PIGU: variants seen among roughly 807,000 people sequenced by gnomAD.
The protein encoded by PIGU is phosphatidylinositol glycan anchor biosynthesis class U.
In PIGU, 24 loss-of-function variants were observed where a neutral mutation model predicts 49.9. The ratio of observed to expected loss-of-function variants is 0.48; its 90% CI spans 0.35 to 0.68. The LOEUF is 0.68. Among genes scored for constraint, PIGU ranks in the 30% least tolerant of loss-of-function variants. The pLI is 0.01. For synonymous variants in PIGU, 220 were observed against 205.7 expected, an observed-to-expected ratio of 1.07 and a Z score of -0.59; for missense variants, 490 against 532.6, an observed-to-expected ratio of 0.92 and a Z score of 0.79.
At chr20:34,615,962 G>A (rs1984988655) in intron 7 of PIGU, 80 bp downstream of exon 7, 5 of 1,504,188 alleles carry the variant, frequency 3.3e-6, no homozygotes, top group Non-Finnish European at 4.4e-6. Flanking sequence ...ACTAACCCGT[G>A]CCCTTCCTTT....
chr20:34,621,895 G>A (rs545479782), intron 6 of PIGU, among the ~76,000 whole-genome samples: 30 of 152,276 alleles, frequency 2.0e-4, no homozygotes, highest in East Asian at 1.5e-3. Flanking sequence ...TACAAAGGAA[G>A]CAGACCTAGC....
At chr20:34,575,352 G>T in intron 10 of PIGU, 106 bp from the exon 11 acceptor site, 1 of 1,370,872 alleles carries the variant, frequency 7.3e-7, no homozygotes, top group Non-Finnish European at 9.8e-7. Context: ...GCATCATGTA[G>T]CTCAAAGGCA....
At chr20:34,634,781 G>C in intron 5 of PIGU, 66 bp from the exon 6 acceptor site, 1 of 1,570,646 alleles carries the variant, frequency 6.4e-7, no homozygotes, top group East Asian at 2.4e-5. Flanking sequence ...ATTACAGCAA[G>C]GAAGTTCCAA....
rs551372529 is a variant in PIGU, at chr20:34,636,515, G to T, written c.428+1361C>A. On this transcript the variant is annotated intron_variant, in intron 5 of 11. Transcript: ENST00000217446. ...GCCGAGATTGCACCACTGCACTCCA[G>T]CCTGGGCAACAGAGCAAGACTCCGT... Among the ~76,000 whole-genome samples, 66 of 152,282 alleles carry T rather than the reference G, an allele frequency of 4.3e-4. 1 individual carries two copies. The highest frequency in any genetic ancestry group is 3.4e-3 in the Middle Eastern group (1 of 294).
intron 2 of PIGU, among the ~76,000 whole-genome samples, chr20:34,649,030 G>A (rs1986445298): frequency 6.6e-6 from 1 of 152,062 alleles, no homozygotes; most frequent in Non-Finnish European, 1.5e-5. Flanking sequence ...ACCACACCCA[G>A]CTAATTTTTT....
intron 1 of PIGU, among the ~76,000 whole-genome samples, chr20:34,660,156 T>C (rs139169707): frequency 0.01 from 1,562 of 150,478 alleles, 32 homozygotes; most frequent in African/African-American, 0.035. Flanking sequence ...AAGGATCAAA[T>C]GTAGAAGGAA....
intron 1 of PIGU, among the ~76,000 whole-genome samples, chr20:34,672,036 C>A (rs1987324457): frequency 6.6e-6 from 1 of 152,154 alleles, no homozygotes; most frequent in African/African-American, 2.4e-5. Flanking sequence ...CCTCCCGGGC[C>A]CATGCAATCC....
intron 2 of PIGU, among the ~76,000 whole-genome samples, chr20:34,646,011 T>C (rs1600656872): frequency 1.3e-5 from 2 of 152,178 alleles, no homozygotes; most frequent in Non-Finnish European, 2.9e-5. Context: ...CAGACCAAGA[T>C]TGCTGATTCC....
chr20:34,592,450 AAGAG>A (rs1281021533), intron 7 of PIGU, among the ~76,000 whole-genome samples: 2 of 151,486 alleles, frequency 1.3e-5, no homozygotes, highest in Admixed American at 6.6e-5. Context: ...AAAAAAAAAA[AAGAG>A]AGACGAACAA....
intron 6 of PIGU, among the ~76,000 whole-genome samples, chr20:34,632,269 G>A (rs945719424): frequency 2.0e-5 from 3 of 151,944 alleles, no homozygotes; most frequent in East Asian, 1.9e-4. Context: ...AAAGTTATTC[G>A]AGTCTAAAAT....
At chr20:34,610,899 C>T (rs999250527) in intron 7 of PIGU, among the ~76,000 whole-genome samples, 2 of 152,102 alleles carry the variant, frequency 1.3e-5, no homozygotes, top group African/African-American at 4.8e-5. Context: ...AGAAATAATA[C>T]CACACATCTA....
intron 7 of PIGU, among the ~76,000 whole-genome samples, chr20:34,607,011 G>A (rs186628232): frequency 4.6e-5 from 7 of 152,260 alleles, no homozygotes; most frequent in East Asian, 1.9e-4. Flanking sequence ...CACCCGCCTC[G>A]GCCTCCCAAA....
At chr20:34,668,043 C>T (rs969426176) in intron 1 of PIGU, among the ~76,000 whole-genome samples, 9 of 152,106 alleles carry the variant, frequency 5.9e-5, no homozygotes, top group Admixed American at 5.9e-4. Context: ...AAACATTAGA[C>T]AAAACCAAAT....
intron 7 of PIGU, among the ~76,000 whole-genome samples, chr20:34,589,884 G>A (rs1394058834): frequency 6.6e-6 from 1 of 150,512 alleles, no homozygotes; most frequent in Admixed American, 6.6e-5. Flanking sequence ...TCAAACTCCC[G>A]ACCTCAGGTG....
chr20:34,622,055 G>A (rs1985255715), intron 6 of PIGU, among the ~76,000 whole-genome samples: 1 of 152,144 alleles, frequency 6.6e-6, no homozygotes, highest in Admixed American at 6.5e-5. Context: ...CCAAAACAGG[G>A]CAAGAGCTGG....
At chr20:34,657,550 T>A (rs1986743153) in intron 1 of PIGU, among the ~76,000 whole-genome samples, 2 of 152,204 alleles carry the variant, frequency 1.3e-5, no homozygotes, top group Non-Finnish European at 2.9e-5. Flanking sequence ...ATCTTCCCCA[T>A]TCCAAAGCAC....
At chr20:34,565,343 C>T (rs915160338) in intron 11 of PIGU, among the ~76,000 whole-genome samples, 6 of 152,058 alleles carry the variant, frequency 3.9e-5, no homozygotes, top group Admixed American at 6.5e-5. Context: ...CTGCAACCTC[C>T]GCGGTTCAAG....
At chr20:34,671,643 G>A (rs891717208) in intron 1 of PIGU, among the ~76,000 whole-genome samples, 77 of 152,082 alleles carry the variant, frequency 5.1e-4, no homozygotes, top group Non-Finnish European at 4.4e-4. Context: ...TTTCTTGGCC[G>A]GGCGCAGTGG....
At chr20:34,581,426 T>C in intron 10 of PIGU, 122 bp downstream of exon 10, 1 of 1,348,288 alleles carries the variant, frequency 7.4e-7, no homozygotes, top group Admixed American at 2.5e-5. Context: ...ATGCCTCTGC[T>C]CCCCTCCTAG....
Sources: gnomAD v4.1 joint callset for allele counts (sites outside exome capture counted in the v4.1 genomes callset) on GRCh38, gnomAD v4.1.1 for gene constraint, MANE v1.5 for transcripts, NCBI Gene and HGNC (gene_info 2026-07-23, HGNC 2026-07-21) for gene names.